SOX5: variants seen among roughly 807,000 people sequenced by gnomAD.
The protein encoded by SOX5 is SRY-box transcription factor 5.
A neutral mutation model predicts 92.0 loss-of-function variants in SOX5; 9 were observed. The observed-to-expected ratio is 0.10, with a 90% confidence interval of 0.06 to 0.17. The LOEUF (loss-of-function observed/expected upper bound fraction) is 0.17, where lower values mean the gene tolerates loss of function less well. Ranked by LOEUF, SOX5 falls within the 10% of genes least tolerant of loss-of-function variation. The pLI, the probability that SOX5 is intolerant of heterozygous loss-of-function variation, is 1.00. For synonymous variants in SOX5, 344 were observed against 336.3 expected (o/e 1.02, Z -0.25); for missense variants, 642 against 944.5 (o/e 0.68, Z 4.20).
intron 1 of SOX5, among the ~76,000 whole-genome samples, chr12:24,448,451 C>T (rs983659542): frequency 6.6e-6 from 1 of 152,034 alleles, no homozygotes; most frequent in East Asian, 1.9e-4. Flanking sequence ...AACAATAAGC[C>T]CTGGCAATAC....
chr12:24,421,704 C>T (rs1017385598), intron 1 of SOX5, among the ~76,000 whole-genome samples: 2 of 152,118 alleles, frequency 1.3e-5, no homozygotes, highest in African/African-American at 4.8e-5. Flanking sequence ...ATGATACAAA[C>T]GTTTGTAATT....
chr12:23,991,659 C>T (rs1218406692), intron 4 of SOX5, among the ~76,000 whole-genome samples: 2 of 151,530 alleles, frequency 1.3e-5, no homozygotes, highest in African/African-American at 2.4e-5. Flanking sequence ...GTAATTTTAA[C>T]TACTTCAATT....
chr12:23,881,662 T>G (rs987604997), intron 2 of SOX5, among the ~76,000 whole-genome samples: 1 of 152,218 alleles, frequency 6.6e-6, no homozygotes, highest in African/African-American at 2.4e-5. Context: ...TCTTACTAAG[T>G]AAGTTCTGCT....
At chr12:23,635,972 G>C (rs1304534531) in intron 8 of SOX5, among the ~76,000 whole-genome samples, 1 of 152,080 alleles carries the variant, frequency 6.6e-6, no homozygotes, top group African/African-American at 2.4e-5. Flanking sequence ...AGATGAAATG[G>C]AGTCATTCAC....
intron 3 of SOX5, among the ~76,000 whole-genome samples, chr12:23,787,443 T>A (rs1356564028): frequency 1.3e-5 from 2 of 152,028 alleles, no homozygotes; most frequent in Admixed American, 6.6e-5. Context: ...TAATTTTATA[T>A]TAAAGGGCAG....
At chr12:24,267,715 A>G (rs114828408) in intron 3 of SOX5, among the ~76,000 whole-genome samples, 5,106 of 152,204 alleles carry the variant, frequency 0.034, 289 homozygotes, top group African/African-American at 0.12. Flanking sequence ...TTGTTCACAT[A>G]TATTATGTTA....
chr12:23,781,793 C>T (rs2095285573), intron 3 of SOX5, among the ~76,000 whole-genome samples: 1 of 151,832 alleles, frequency 6.6e-6, no homozygotes, highest in African/African-American at 2.4e-5. Flanking sequence ...TTCTTTATTC[C>T]TAAATCAACG....
intron 1 of SOX5, among the ~76,000 whole-genome samples, chr12:24,382,305 G>A (rs998079049): frequency 2.8e-4 from 42 of 152,158 alleles, no homozygotes; most frequent in African/African-American, 9.9e-4. Context: ...GACCACCACA[G>A]GCTGAAGGAA....
chr12:24,040,091 T>C (rs1353895370), intron 4 of SOX5, among the ~76,000 whole-genome samples: 1 of 152,220 alleles, frequency 6.6e-6, no homozygotes, highest in Non-Finnish European at 1.5e-5. Context: ...TCTTTCATTG[T>C]CCTGGTTCAA....
At chr12:24,446,280 T>C (rs1298039272) in intron 1 of SOX5, among the ~76,000 whole-genome samples, 2 of 147,428 alleles carry the variant, frequency 1.4e-5, no homozygotes, top group Admixed American at 6.8e-5. Flanking sequence ...AGGGAGAGAC[T>C]GAGACTACCC....
intron 3 of SOX5, among the ~76,000 whole-genome samples, chr12:24,246,888 G>C (rs1938878178): frequency 6.6e-6 from 1 of 152,030 alleles, no homozygotes; most frequent in Admixed American, 6.6e-5. Context: ...AATGATAAAG[G>C]GAGAGGGGAT....
chr12:23,625,063 AG>A (rs763179902), intron 8 of SOX5, among the ~76,000 whole-genome samples: 3 of 152,222 alleles, frequency 2.0e-5, no homozygotes, highest in Non-Finnish European at 2.9e-5. Flanking sequence ...GCAGGAGAGC[AG>A]GTAGTCAGGG....
chr12:24,253,702 C>A (rs1270052632), intron 3 of SOX5, among the ~76,000 whole-genome samples: 1 of 152,022 alleles, frequency 6.6e-6, no homozygotes, highest in Admixed American at 6.6e-5. Context: ...CTTTTGAAGG[C>A]AAAATGGAAA....
intron 2 of SOX5, among the ~76,000 whole-genome samples, chr12:24,327,337 A>T (rs543902069): frequency 1.4e-5 from 2 of 147,142 alleles, no homozygotes; most frequent in Non-Finnish European, 3.0e-5. Context: ...GTCCATACAG[A>T]TGACGCAGGT....
rs374321932 is a variant in SOX5 at position 23,632,521 on chromosome 12, T to C, written c.1017+8291A>G. Among the ~76,000 whole-genome samples the C allele has an allele frequency of 2.1e-4, 32 of 152,274 alleles. No homozygotes were observed. In the East Asian group the frequency reaches 6.2e-3, roughly 29 times the overall value. ...TCCTTATTGATTTTCTGGAAGTTTC[T>C]CTTGGCCAAGCATATAAAGCCATGC... On this transcript the variant is annotated intron_variant, in intron 8 of 14. Coordinates refer to ENST00000451604, the MANE Select transcript of SOX5 (RefSeq NM_006940.6).
chr12:23,573,329 T>A (rs1948655081), intron 10 of SOX5, among the ~76,000 whole-genome samples: 1 of 152,196 alleles, frequency 6.6e-6, no homozygotes. Flanking sequence ...TCTGTATAAC[T>A]GGAAATCTAT....
intron 7 of SOX5, among the ~76,000 whole-genome samples, chr12:23,649,032 T>C (rs1026895053): frequency 5.9e-5 from 9 of 152,308 alleles, no homozygotes; most frequent in Non-Finnish European, 1.0e-4. Flanking sequence ...AGCATGTCTC[T>C]ACCTTGTTAC....
At chr12:23,734,205 C>T (rs1279550336) in intron 6 of SOX5, among the ~76,000 whole-genome samples, 5 of 152,146 alleles carry the variant, frequency 3.3e-5, no homozygotes, top group Non-Finnish European at 5.9e-5. Context: ...TTGTTTTCTC[C>T]AGGCAAAACC....
At chr12:24,095,124 CACACAG>C (rs1420383451) in intron 4 of SOX5, among the ~76,000 whole-genome samples, 6 of 105,110 alleles carry the variant, frequency 5.7e-5, no homozygotes, top group South Asian at 7.8e-4. Context: ...CACACACACA[CACACAG>C]AGAGAGAGAG....
Sources: gnomAD v4.1 joint callset for allele counts (sites outside exome capture counted in the v4.1 genomes callset) on GRCh38, gnomAD v4.1.1 for gene constraint, MANE v1.5 for transcripts, NCBI Gene and HGNC (gene_info 2026-07-23, HGNC 2026-07-21) for gene names.